The following GLIS3 variants were observed in gnomAD, a reference collection of about 807,000 sequenced individuals.
GLIS3 encodes the protein GLIS family zinc finger 3.
A neutral mutation model predicts 78.6 loss-of-function variants in GLIS3; 53 were observed. The ratio of observed to expected loss-of-function variants is 0.67; its 90% CI spans 0.54 to 0.85. The LOEUF (loss-of-function observed/expected upper bound fraction) is 0.85, where lower values mean the gene tolerates loss of function less well. Ranked by LOEUF, GLIS3 falls within the 40% of genes least tolerant of loss-of-function variation. The pLI is 0.00. For missense variants in GLIS3, 1,703 were observed against 1,231.1 expected (o/e 1.38, Z -5.74); for synonymous variants, 684 against 509.9 (o/e 1.34, Z -4.60).
the GLIS3 span, among the ~76,000 whole-genome samples, chr9:4,481,147 C>G: frequency 6.6e-6 from 1 of 152,084 alleles, no homozygotes; most frequent in Non-Finnish European, 1.5e-5. Context: ...TAAGCCACCT[C>G]ACCCAGCCCT....
In GLIS3 at chr9:4,057,174, G is replaced by A. The variant is rs73390474; in HGVS notation, c.1710+60594C>T. ...AAGTAGAGAGAATACTAATTCCAGG[G>A]CTGGCTTCATGGGCATCAAAGGCCA... On this transcript the variant is annotated intron_variant, in intron 4 of 10. Coordinates refer to ENST00000381971, the MANE Select transcript of GLIS3 (RefSeq NM_001042413.2). Among the ~76,000 whole-genome samples, 1,083 of 152,152 alleles carry A rather than the reference G, an allele frequency of 7.1e-3. 10 individuals carry two copies. Among genetic ancestry groups the A allele is most frequent in the African/African-American group, 0.022 (897 of 41,524 alleles).
intron 9 of GLIS3, among the ~76,000 whole-genome samples, chr9:3,853,593 C>T (rs1819576837): frequency 6.6e-6 from 1 of 152,190 alleles, no homozygotes; most frequent in Admixed American, 6.5e-5. Context: ...TTCCTAACAA[C>T]TGAAGAGAGA....
intron 2 of GLIS3, among the ~76,000 whole-genome samples, chr9:4,277,682 A>G (rs1372304670): frequency 6.6e-6 from 1 of 152,228 alleles, no homozygotes; most frequent in East Asian, 1.9e-4. Flanking sequence ...CCTGAAGTAA[A>G]ATAAAAACTC....
chr9:3,838,891 C>T (rs1405608536), intron 9 of GLIS3, among the ~76,000 whole-genome samples: 1 of 152,092 alleles, frequency 6.6e-6, no homozygotes, highest in African/African-American at 2.4e-5. Context: ...TAATCCACGA[C>T]AGACCCAATG....
the GLIS3 span, among the ~76,000 whole-genome samples, chr9:4,483,698 C>A: frequency 6.0e-4 from 82 of 136,788 alleles, 2 homozygotes; most frequent in East Asian, 0.017. Flanking sequence ...TCAGCCTGGG[C>A]AACACGAGTG....
chr9:3,990,307 G>C (rs184857517), intron 4 of GLIS3, among the ~76,000 whole-genome samples: 1 of 152,300 alleles, frequency 6.6e-6, no homozygotes, highest in Admixed American at 6.5e-5. Flanking sequence ...CGGAGGAAGG[G>C]AGATGCTAGC....
chr9:4,270,055 C>G (rs1346192283), intron 2 of GLIS3, among the ~76,000 whole-genome samples: 2 of 152,178 alleles, frequency 1.3e-5, no homozygotes, highest in African/African-American at 2.4e-5. Context: ...ACGTGCATTC[C>G]CACCCTGGCT....
the GLIS3 span, among the ~76,000 whole-genome samples, chr9:4,395,275 A>T: frequency 6.6e-6 from 1 of 152,176 alleles, no homozygotes; most frequent in Non-Finnish European, 1.5e-5. Flanking sequence ...TCATTGACTC[A>T]TAATTATTTA....
chr9:3,975,089 G>C (rs1818666269), intron 4 of GLIS3: 1 of 152,002 alleles, frequency 6.6e-6, no homozygotes, highest in Admixed American at 6.6e-5. Flanking sequence ...GTTTGAAAAA[G>C]GACATTAAAC....
intron 9 of GLIS3, among the ~76,000 whole-genome samples, chr9:3,847,876 C>A (rs1040834520): frequency 6.6e-6 from 1 of 152,160 alleles, no homozygotes; most frequent in Non-Finnish European, 1.5e-5. Context: ...TCATCAATCC[C>A]TGGTACTGTG....
intron 6 of GLIS3, among the ~76,000 whole-genome samples, chr9:3,919,519 ATAAC>A (rs1384157936): frequency 2.6e-5 from 4 of 152,144 alleles, no homozygotes; most frequent in African/African-American, 9.7e-5. Flanking sequence ...ATCAGAAAAA[ATAAC>A]TAATAGGTAG....
Position 3,914,785 on chromosome 9 carries a change from C to T in GLIS3, c.1984-15950G>A, listed in dbSNP as rs142373235. On this transcript the variant is annotated intron_variant, in intron 6 of 10. Transcript: ENST00000381971. ...CAGACTACACAGCCAAGATGAGAAC[C>T]TTCATCTTCTGACCACGGATTGAGT... 5.5e-3 allele frequency among the ~76,000 whole-genome samples: 839 copies of T among 152,236 alleles called. 6 individuals are homozygous for T. Among genetic ancestry groups the T allele is most frequent in the African/African-American group, 0.017 (709 of 41,544 alleles).
At chr9:4,376,149 G>C in the GLIS3 span, among the ~76,000 whole-genome samples, 28 of 152,254 alleles carry the variant, frequency 1.8e-4, no homozygotes, top group East Asian at 5.2e-3. Context: ...TTTGGTGTGC[G>C]CTCCTTCAAA....
At chr9:4,486,369 T>C in the GLIS3 span, among the ~76,000 whole-genome samples, 2 of 152,124 alleles carry the variant, frequency 1.3e-5, no homozygotes, top group African/African-American at 4.8e-5. Context: ...TAACCACACC[T>C]GAACACTTTC....
intron 4 of GLIS3, among the ~76,000 whole-genome samples, chr9:3,956,027 G>GC (rs1355841580): frequency 0.26 from 17,279 of 67,144 alleles, 1,061 homozygotes; most frequent in East Asian, 0.34. Context: ...TCCAGATTCA[G>GC]CAAAAAAAAA....
At chr9:4,282,096 C>T (rs1003614988) in intron 2 of GLIS3, among the ~76,000 whole-genome samples, 1 of 152,228 alleles carries the variant, frequency 6.6e-6, no homozygotes, top group African/African-American at 2.4e-5. Context: ...AAGTCAGATG[C>T]TTGTCTGTGT....
chr9:4,138,698 C>T (rs984875224), intron 2 of GLIS3, among the ~76,000 whole-genome samples: 2 of 152,200 alleles, frequency 1.3e-5, no homozygotes, highest in African/African-American at 4.8e-5. Context: ...CTCTCTGTGC[C>T]TCTATTTCCT....
At chr9:3,901,640 C>T (rs1354223798) in intron 6 of GLIS3, among the ~76,000 whole-genome samples, 4 of 152,134 alleles carry the variant, frequency 2.6e-5, no homozygotes, top group African/African-American at 9.7e-5. Flanking sequence ...AATGCATGTC[C>T]AGGTCTTAGC....
intron 4 of GLIS3, among the ~76,000 whole-genome samples, chr9:4,053,289 G>A (rs1825869920): frequency 6.6e-6 from 1 of 152,080 alleles, no homozygotes; most frequent in Admixed American, 6.6e-5. Flanking sequence ...AGCATGAGGG[G>A]CCATTGTGGG....
Sources: gnomAD v4.1 joint callset for allele counts (sites outside exome capture counted in the v4.1 genomes callset) on GRCh38, gnomAD v4.1.1 for gene constraint, MANE v1.5 for transcripts, NCBI Gene and HGNC (gene_info 2026-07-23, HGNC 2026-07-21) for gene names.